The following FRMD6 variants were observed in gnomAD, a reference collection of about 807,000 sequenced individuals.
FRMD6 encodes the protein FERM domain containing 6, also known as FERM domain-containing protein 6.
In FRMD6, 37 loss-of-function variants were observed where a neutral mutation model predicts 73.2. The observed-to-expected ratio is 0.51, with a 90% CI of 0.39 to 0.66. FRMD6 has a LOEUF of 0.66. Ranked by LOEUF, FRMD6 falls within the 30% of genes least tolerant of loss-of-function variation. The probability of loss-of-function intolerance (pLI) is 0.00; values close to 1 mark genes in which losing one functional copy is unlikely to be tolerated. For missense variants in FRMD6, 714 were observed against 780.5 expected (o/e 0.91, Z 1.02); for synonymous variants, 273 against 282.2 (o/e 0.97, Z 0.33).
intron 13 of FRMD6, 66 bp from the exon 14 acceptor site, chr14:51,727,679 C>T (rs1159543266): frequency 1.4e-6 from 2 of 1,464,186 alleles, no homozygotes; most frequent in East Asian, 4.6e-5. Flanking sequence ...TGTAGCATCT[C>T]TCTTTACAAG....
chr14:51,686,621 TG>T (rs1263070072), intron 1 of FRMD6, among the ~76,000 whole-genome samples: 2 of 151,902 alleles, frequency 1.3e-5, no homozygotes, highest in Non-Finnish European at 2.9e-5. Context: ...ATTTTTTTTT[TG>T]TTCCCTGGAA....
intron 1 of FRMD6, among the ~76,000 whole-genome samples, chr14:51,563,271 C>T (rs370560938): frequency 6.6e-6 from 1 of 152,210 alleles, no homozygotes; most frequent in Non-Finnish European, 1.5e-5. Context: ...GAGTGAAAGA[C>T]CCCATCTCTC....
intron 1 of FRMD6, among the ~76,000 whole-genome samples, chr14:51,663,229 C>G (rs1893350190): frequency 6.6e-6 from 1 of 152,166 alleles, no homozygotes; most frequent in East Asian, 1.9e-4. Flanking sequence ...GACCTAAAAA[C>G]AGAAATACAG....
At chr14:51,402,887 C>T in the FRMD6 span, among the ~76,000 whole-genome samples, 2 of 152,142 alleles carry the variant, frequency 1.3e-5, no homozygotes, top group African/African-American at 4.8e-5. Context: ...ATTCGTCCAC[C>T]TCAGCCTCCC....
At chr14:51,715,264 G>A in intron 9 of FRMD6, 61 bp from the exon 10 acceptor site, 1 of 1,297,040 alleles carries the variant, frequency 7.7e-7, no homozygotes, top group Non-Finnish European at 1.0e-6. Flanking sequence ...AGGAAACAAA[G>A]GGGACTTTGG....
At chr14:51,462,397 C>A in the FRMD6 span, among the ~76,000 whole-genome samples, 1 of 152,146 alleles carries the variant, frequency 6.6e-6, no homozygotes, top group Non-Finnish European at 1.5e-5. Flanking sequence ...TCACCTGCTC[C>A]CAACTCTTCC....
At chr14:51,449,173 G>T in the FRMD6 span, among the ~76,000 whole-genome samples, 1 of 152,200 alleles carries the variant, frequency 6.6e-6, no homozygotes, top group South Asian at 2.1e-4. Flanking sequence ...TCACAGTCCA[G>T]AAAAGATATG....
At chr14:51,484,580 A>G (rs1456656865), upstream of FRMD6, among the ~76,000 whole-genome samples, 1 of 152,210 alleles carries the variant, frequency 6.6e-6, no homozygotes, top group East Asian at 1.9e-4. Flanking sequence ...TCCTGCCTCC[A>G]TAAACCTGTT....
intron 1 of FRMD6, among the ~76,000 whole-genome samples, chr14:51,523,778 C>G (rs1566792038): frequency 6.6e-6 from 1 of 152,178 alleles, no homozygotes; most frequent in Non-Finnish European, 1.5e-5. Context: ...ACATGAACAT[C>G]TGCAATTTAG....
intron 3 of FRMD6, 63 bp downstream of exon 3, chr14:51,698,295 A>T: frequency 3.6e-6 from 4 of 1,103,566 alleles, no homozygotes; most frequent in Non-Finnish European, 5.4e-6. Context: ...GACATCTTAT[A>T]GCTATAACTT....
chr14:51,708,540 A>G (rs1010242773), intron 7 of FRMD6, among the ~76,000 whole-genome samples: 4 of 151,970 alleles, frequency 2.6e-5, no homozygotes, highest in Non-Finnish European at 4.4e-5. Context: ...TCCTCCCCAA[A>G]TCTGCTTTTC....
At chr14:51,465,884 G>A in the FRMD6 span, among the ~76,000 whole-genome samples, 1 of 152,050 alleles carries the variant, frequency 6.6e-6, no homozygotes, top group East Asian at 1.9e-4. Context: ...TAATCAAACT[G>A]CTCTCCAAAG....
chr14:51,611,738 T>A (rs566158662), intron 2 of FRMD6, among the ~76,000 whole-genome samples: 14 of 152,224 alleles, frequency 9.2e-5, no homozygotes, highest in Non-Finnish European at 1.9e-4. Flanking sequence ...TCTAAGGTCC[T>A]TTTGAACTGT....
At chr14:51,495,557 G>T (rs1206194127) in intron 1 of FRMD6, among the ~76,000 whole-genome samples, 1 of 152,204 alleles carries the variant, frequency 6.6e-6, no homozygotes, top group Admixed American at 6.5e-5. Flanking sequence ...GACAGTCCTA[G>T]GCTGCCCTGT....
chr14:51,436,997 A>G, the FRMD6 span: 6 of 770,168 alleles, frequency 7.8e-6, no homozygotes, highest in Admixed American at 1.2e-4. Context: ...TTCTTTTTTA[A>G]ATTATTATAC....
At chr14:51,452,071 T>C in the FRMD6 span, among the ~76,000 whole-genome samples, 3 of 152,260 alleles carry the variant, frequency 2.0e-5, no homozygotes, top group Admixed American at 6.5e-5. Context: ...AGCAGTTGAA[T>C]ACAGCATACA....
intron 2 of FRMD6, among the ~76,000 whole-genome samples, chr14:51,593,385 A>C (rs1364914441): frequency 6.6e-6 from 1 of 152,234 alleles, no homozygotes; most frequent in Non-Finnish European, 1.5e-5. Flanking sequence ...AGACAAATAA[A>C]TCCTAATTTC....
intron 2 of FRMD6, among the ~76,000 whole-genome samples, chr14:51,626,880 G>A (rs921642207): frequency 2.0e-5 from 3 of 152,148 alleles, no homozygotes; most frequent in African/African-American, 7.2e-5. Flanking sequence ...ATAATTATTA[G>A]CTATAATTTG....
intron 2 of FRMD6, among the ~76,000 whole-genome samples, chr14:51,614,199 C>A (rs1165077557): frequency 6.6e-6 from 1 of 152,010 alleles, no homozygotes; most frequent in African/African-American, 2.4e-5. Flanking sequence ...TTTCTAGGAA[C>A]TTTGGGTTGG....
Sources: allele counts gnomAD v4.1 joint callset (sites outside exome capture counted in the v4.1 genomes callset), GRCh38; gene constraint gnomAD v4.1.1; transcripts MANE v1.5; gene names NCBI Gene and HGNC (gene_info 2026-07-23, HGNC 2026-07-21).